The following AGBL4 variants were observed in gnomAD, a reference collection of about 807,000 sequenced individuals.
AGBL4 encodes the protein AGBL carboxypeptidase 4, also known as cytosolic carboxypeptidase 6.
AGBL4 carries 58 observed loss-of-function variants against 66.4 expected under a neutral mutation model. The ratio of observed to expected loss-of-function variants is 0.87; its 90% CI spans 0.71 to 1.09. The LOEUF (loss-of-function observed/expected upper bound fraction) is 1.09, where lower values mean the gene tolerates loss of function less well. Ranked by LOEUF, AGBL4 falls within the 50% of genes least tolerant of loss-of-function variation. The pLI is 0.00. For missense variants in AGBL4, 579 were observed against 631.0 expected, an observed-to-expected ratio of 0.92 and a Z score of 0.88; for synonymous variants, 234 against 222.9, an observed-to-expected ratio of 1.05 and a Z score of -0.44.
At chr1:49,760,861 T>C (rs1184385244) in intron 2 of AGBL4, among the ~76,000 whole-genome samples, 6 of 152,196 alleles carry the variant, frequency 3.9e-5, no homozygotes, top group Non-Finnish European at 8.8e-5. Context: ...TGAGATCATG[T>C]CCTTTGCAGA....
chr1:49,179,136 A>G (rs1646883016), intron 4 of AGBL4, among the ~76,000 whole-genome samples: 1 of 152,204 alleles, frequency 6.6e-6, no homozygotes, highest in Admixed American at 6.5e-5. Flanking sequence ...CATTTTAAAC[A>G]GATTTTCATT....
At chr1:48,598,384 A>G (rs1368872126) in intron 9 of AGBL4, among the ~76,000 whole-genome samples, 1 of 152,148 alleles carries the variant, frequency 6.6e-6, no homozygotes, top group Non-Finnish European at 1.5e-5. Context: ...GTGTACTTAC[A>G]CTAACCTAGA....
At chr1:49,948,466 T>A (rs1571938483) in intron 1 of AGBL4, among the ~76,000 whole-genome samples, 1 of 96,314 alleles carries the variant, frequency 1.0e-5, no homozygotes, top group Non-Finnish European at 2.1e-5. Flanking sequence ...TATAGATAAA[T>A]ATATAAATAT....
At chr1:48,887,858 T>A (rs755695552) in intron 5 of AGBL4, among the ~76,000 whole-genome samples, 2 of 152,294 alleles carry the variant, frequency 1.3e-5, no homozygotes, top group Non-Finnish European at 2.9e-5. Flanking sequence ...TGAGGACCTA[T>A]CTCCTCTCTG....
At chr1:49,715,046 C>T (rs912338411) in intron 2 of AGBL4, among the ~76,000 whole-genome samples, 13 of 151,900 alleles carry the variant, frequency 8.6e-5, no homozygotes, top group African/African-American at 1.9e-4. Context: ...ATACACATGC[C>T]ATAGTGGTTT....
chr1:49,798,968 C>T (rs1419361153), intron 2 of AGBL4, among the ~76,000 whole-genome samples: 1 of 151,872 alleles, frequency 6.6e-6, no homozygotes, highest in African/African-American at 2.4e-5. Flanking sequence ...AATAAGAATG[C>T]CAAAATACAG....
intron 3 of AGBL4, among the ~76,000 whole-genome samples, chr1:49,335,425 G>T (rs1435265706): frequency 6.6e-6 from 1 of 151,886 alleles, no homozygotes; most frequent in East Asian, 1.9e-4. Context: ...AATCAGGGTG[G>T]TTTTTCTGTA....
At chr1:48,650,229 C>T (rs1645904749) in intron 8 of AGBL4, among the ~76,000 whole-genome samples, 1 of 152,202 alleles carries the variant, frequency 6.6e-6, no homozygotes, top group Admixed American at 6.5e-5. Context: ...TGCATCCCTG[C>T]CCGCTCCTCA....
chr1:48,948,065 A>G (rs1033004486), intron 5 of AGBL4, among the ~76,000 whole-genome samples: 3 of 152,170 alleles, frequency 2.0e-5, no homozygotes, highest in Non-Finnish European at 2.9e-5. Context: ...CCACGAAAGC[A>G]AGATGATTTT....
chr1:48,961,099 G>C (rs1375090993), intron 5 of AGBL4, among the ~76,000 whole-genome samples: 1 of 152,058 alleles, frequency 6.6e-6, no homozygotes, highest in Non-Finnish European at 1.5e-5. Context: ...GTGTGTGTGT[G>C]TGTGTGTGCG....
intron 9 of AGBL4, among the ~76,000 whole-genome samples, chr1:48,624,543 T>G (rs1645467780): frequency 1.3e-5 from 2 of 152,226 alleles, no homozygotes; most frequent in Admixed American, 6.5e-5. Context: ...CCCAGCTCTG[T>G]GGGATGCCTG....
At chr1:49,012,056 T>TA (rs199509545) in intron 5 of AGBL4, among the ~76,000 whole-genome samples, 6 of 148,018 alleles carry the variant, frequency 4.1e-5, no homozygotes, top group East Asian at 4.0e-4. Flanking sequence ...AAAAGCTACA[T>TA]AAAAAAAAAG....
At chr1:49,521,799 T>G (rs188922507) in intron 3 of AGBL4, among the ~76,000 whole-genome samples, 1 of 152,138 alleles carries the variant, frequency 6.6e-6, no homozygotes, top group East Asian at 1.9e-4. Context: ...AAAATTAAAA[T>G]TTACAAGTGG....
intron 5 of AGBL4, among the ~76,000 whole-genome samples, chr1:48,957,062 T>C (rs1336924434): frequency 1.3e-5 from 2 of 152,142 alleles, no homozygotes; most frequent in South Asian, 2.1e-4. Context: ...CAAATATGGG[T>C]TTAAACTCCC....
chr1:48,553,580 C>T (rs746675789), intron 11 of AGBL4, among the ~76,000 whole-genome samples: 6 of 151,990 alleles, frequency 3.9e-5, no homozygotes, highest in Non-Finnish European at 5.9e-5. Flanking sequence ...ATTTCAGCTC[C>T]GATGTTCTGT....
intron 5 of AGBL4, among the ~76,000 whole-genome samples, chr1:48,894,399 A>C (rs2148860622): frequency 6.6e-6 from 1 of 152,322 alleles, no homozygotes; most frequent in African/African-American, 2.4e-5. Flanking sequence ...GTTGGAATCC[A>C]CATCTATTTG....
At chr1:48,557,715 T>C (rs550011339) in intron 11 of AGBL4, among the ~76,000 whole-genome samples, 2 of 152,346 alleles carry the variant, frequency 1.3e-5, no homozygotes, top group East Asian at 3.9e-4. Context: ...TTGAGTAACA[T>C]TGGTCTGGGC....
intron 2 of AGBL4, chr1:49,845,219 G>A (rs867686750): frequency 2.7e-6 from 4 of 1,500,082 alleles, no homozygotes; most frequent in Admixed American, 3.4e-5. Flanking sequence ...AAACACCAGA[G>A]AATCCACACT....
chr1:49,122,558 T>C (rs137882578), intron 4 of AGBL4, among the ~76,000 whole-genome samples: 1 of 152,166 alleles, frequency 6.6e-6, no homozygotes. Flanking sequence ...AAAATAATAC[T>C]AATCAATTTA....
Sources: allele counts gnomAD v4.1 joint callset (sites outside exome capture counted in the v4.1 genomes callset), GRCh38; gene constraint gnomAD v4.1.1; transcripts MANE v1.5; gene names NCBI Gene and HGNC (gene_info 2026-07-23, HGNC 2026-07-21).